The following HCRTR2 variants were observed in gnomAD, a reference collection of about 807,000 sequenced individuals.
HCRTR2 encodes hypocretin receptor 2, also known as orexin receptor type 2.
Under a neutral mutation model 49.0 loss-of-function variants are expected in HCRTR2, and 22 were observed. The observed-to-expected ratio is 0.45, with a 90% CI of 0.32 to 0.64. The LOEUF (loss-of-function observed/expected upper bound fraction) is 0.64. Among genes scored for constraint, HCRTR2 ranks in the 30% least tolerant of loss-of-function variants. The pLI is 0.04. For missense variants in HCRTR2, 491 were observed against 559.4 expected (o/e 0.88, Z 1.23); for synonymous variants, 236 against 205.3 (o/e 1.15, Z -1.28).
intron 1 of HCRTR2, among the ~76,000 whole-genome samples, chr6:55,124,805 C>A (rs896033481): frequency 6.6e-6 from 1 of 152,096 alleles, no homozygotes; most frequent in Non-Finnish European, 1.5e-5. Context: ...GTATTTGATG[C>A]ATATATATTT....
At chr6:55,263,012 T>G (rs2127322522) in intron 3 of HCRTR2, among the ~76,000 whole-genome samples, 1 of 151,744 alleles carries the variant, frequency 6.6e-6, no homozygotes, top group South Asian at 2.1e-4. Context: ...AGAAAATAAA[T>G]GTTATAAAGC....
At chr6:55,222,851 A>G (rs1482354820) in intron 1 of HCRTR2, among the ~76,000 whole-genome samples, 4 of 152,168 alleles carry the variant, frequency 2.6e-5, no homozygotes, top group Non-Finnish European at 5.9e-5. Flanking sequence ...AGCTCTAAAG[A>G]TCTGATGTAC....
chr6:55,162,804 A>G (rs1368302430), intron 1 of HCRTR2, among the ~76,000 whole-genome samples: 1 of 152,176 alleles, frequency 6.6e-6, no homozygotes, highest in Non-Finnish European at 1.5e-5. Flanking sequence ...AACCACTGCT[A>G]AGGAAATAAA....
chr6:55,121,332 G>C (rs1405668788), intron 1 of HCRTR2, among the ~76,000 whole-genome samples: 1 of 152,118 alleles, frequency 6.6e-6, no homozygotes, highest in East Asian at 1.9e-4. Flanking sequence ...TTTGTATCCT[G>C]AGATTTTGCT....
intron 5 of HCRTR2, among the ~76,000 whole-genome samples, chr6:55,279,484 T>C (rs1297104660): frequency 6.6e-6 from 1 of 150,732 alleles, no homozygotes; most frequent in African/African-American, 2.4e-5. Context: ...GTACACCTTA[T>C]ACCAGAAATG....
At chr6:55,185,728 A>AAAT (rs1765206710) in intron 1 of HCRTR2, among the ~76,000 whole-genome samples, 1 of 152,222 alleles carries the variant, frequency 6.6e-6, no homozygotes, top group Non-Finnish European at 1.5e-5. Context: ...ACAGAAGTAA[A>AAAT]AATGATAAAT....
chr6:55,220,865 A>G (rs1765876827), intron 1 of HCRTR2, among the ~76,000 whole-genome samples: 1 of 152,198 alleles, frequency 6.6e-6, no homozygotes, highest in Admixed American at 6.5e-5. Flanking sequence ...ATTGCAGAAC[A>G]TAAAATCGAA....
chr6:55,169,915 A>G (rs1052591415), upstream of HCRTR2, among the ~76,000 whole-genome samples: 1 of 152,072 alleles, frequency 6.6e-6, no homozygotes, highest in East Asian at 1.9e-4. Flanking sequence ...CACAATAGAT[A>G]CTCAGATACA....
At chr6:55,132,316 G>A (rs1201549519) in intron 1 of HCRTR2, among the ~76,000 whole-genome samples, 1 of 151,864 alleles carries the variant, frequency 6.6e-6, no homozygotes, top group Admixed American at 6.6e-5. Context: ...CCTAAGGGTA[G>A]CAAGTAGGTT....
chr6:55,177,890 A>G lies in HCRTR2; in HGVS notation c.223+3080A>G, dbSNP rs1258871746. ...AGAATGTTATGAGTATTTACATTCA[A>G]TGAAAAGCTGTAAGCATGTTTAATG... is the stretch of plus-strand genomic sequence containing the variant. On this transcript the variant is annotated intron_variant, in intron 1 of 6. Transcript: ENST00000370862. 3.9e-5 allele frequency among the ~76,000 whole-genome samples: 6 copies of G among 152,316 alleles called. No homozygotes were observed. The East Asian group carries it at 1.2e-3, about 29-fold the overall frequency.
chr6:55,192,635 T>C (rs1291315805), intron 1 of HCRTR2, among the ~76,000 whole-genome samples: 1 of 152,202 alleles, frequency 6.6e-6, no homozygotes, highest in African/African-American at 2.4e-5. Context: ...TCCCAAATTT[T>C]TGTTTTGTAT....
In HCRTR2 at chr6:55,190,530, G is replaced by A. The variant is rs377052184; in HGVS notation, c.223+15720G>A. Among the ~76,000 whole-genome samples the A allele has an allele frequency of 5.4e-4, 82 of 152,176 alleles. No individual in the cohort carries two copies. The South Asian group carries it at 6.0e-3, about 11-fold the overall frequency. Reference sequence around the variant, plus strand: ...AGGTAAGAGTTTAGATAAGGAGACAGGTATGGTGAAATACATCCAATATTT... The same window carrying A: ...AGGTAAGAGTTTAGATAAGGAGACAAGTATGGTGAAATACATCCAATATTT... On this transcript the variant is annotated intron_variant, in intron 1 of 6. Coordinates refer to ENST00000370862, the MANE Select transcript of HCRTR2 (RefSeq NM_001384272.1).
At position 55,231,308 on chromosome 6, in the gene HCRTR2, A is replaced by G. The variant is rs570786294; in HGVS notation, c.224-17331A>G. Among the ~76,000 whole-genome samples the G allele has an allele frequency of 2.0e-5, 3 of 152,294 alleles. No homozygotes were observed. In the East Asian group the frequency reaches 5.8e-4, roughly 29 times the overall value. ...TATCCCTTTTTATTAAGTTTAAGTTACTGTAATGAAATTAAACATGTGAAG... is the reference window on the plus strand; with the variant it reads ...TATCCCTTTTTATTAAGTTTAAGTTGCTGTAATGAAATTAAACATGTGAAG... On this transcript the variant is annotated intron_variant, in intron 1 of 6. Coordinates refer to ENST00000370862, the MANE Select transcript of HCRTR2 (RefSeq NM_001384272.1).
chr6:55,251,362 T>G (rs187300192), intron 2 of HCRTR2, among the ~76,000 whole-genome samples: 13 of 152,288 alleles, frequency 8.5e-5, no homozygotes, highest in African/African-American at 3.1e-4. Flanking sequence ...ACAAATGTTA[T>G]AAAGCTTAGC....
At chr6:55,168,352 G>C (rs1192632755) in intron 1 of HCRTR2, among the ~76,000 whole-genome samples, 2 of 151,878 alleles carry the variant, frequency 1.3e-5, no homozygotes, top group African/African-American at 2.4e-5. Flanking sequence ...TCTTTGTTAA[G>C]AATTAAAACT....
chr6:55,244,720 G>A (rs546441629), intron 1 of HCRTR2, among the ~76,000 whole-genome samples: 176 of 152,108 alleles, frequency 1.2e-3, no homozygotes, highest in Non-Finnish European at 2.2e-3. Flanking sequence ...TGCAGTTGTA[G>A]ATATATATGT....
At chr6:55,282,624 C>G (rs553254625), downstream of HCRTR2, 2 of 597,926 alleles carry the variant, frequency 3.3e-6, no homozygotes, top group Admixed American at 3.1e-5. Flanking sequence ...AAAATGATTT[C>G]TCAACTTTTG....
intron 1 of HCRTR2, among the ~76,000 whole-genome samples, chr6:55,161,190 C>T (rs937388540): frequency 6.6e-6 from 1 of 151,988 alleles, no homozygotes; most frequent in Admixed American, 6.6e-5. Flanking sequence ...CACTCAAAAC[C>T]GCACAACTAC....
Position 55,174,587 on chromosome 6 carries a change from G to T in HCRTR2, c.-1G>T. ...TGAGCGGAACCGGACTTGAGCCCGT[G>T]ATGTCCGGCACCAAATTGGAGGACT... On this transcript the variant is annotated 5_prime_UTR_variant, in exon 1 of 7. Transcript: ENST00000370862. 1 of 1,613,252 alleles carries T rather than the reference G, an allele frequency of 6.2e-7. No individual in the cohort carries two copies. Among genetic ancestry groups the T allele is most frequent in the African/African-American group, 1.3e-5 (1 of 74,960 alleles).
Sources: gnomAD v4.1 joint callset for allele counts (sites outside exome capture counted in the v4.1 genomes callset) on GRCh38, gnomAD v4.1.1 for gene constraint, MANE v1.5 for transcripts, NCBI Gene and HGNC (gene_info 2026-07-23, HGNC 2026-07-21) for gene names.